SPART: variants seen among roughly 807,000 people sequenced by gnomAD.
The protein encoded by SPART is spartin.
Under a neutral mutation model 58.7 loss-of-function variants are expected in SPART, and 35 were observed. That is an observed-to-expected ratio of 0.60 (90% CI 0.46 to 0.79). SPART has a LOEUF of 0.79. Among genes scored for constraint, SPART ranks in the 30% least tolerant of loss-of-function variants. The pLI is 0.00. For synonymous variants in SPART, 284 were observed against 280.7 expected (o/e 1.01, Z -0.12); for missense variants, 730 against 786.1 (o/e 0.93, Z 0.85).
intron 5 of SPART, among the ~76,000 whole-genome samples, chr13:36,320,808 A>G (rs1016582422): frequency 1.3e-5 from 2 of 152,140 alleles, no homozygotes; most frequent in Non-Finnish European, 1.5e-5. Context: ...TGTCAGACAT[A>G]ATTCCTCAGT....
chr13:36,308,915 G>A (rs1436315184), intron 8 of SPART, among the ~76,000 whole-genome samples: 1 of 152,150 alleles, frequency 6.6e-6, no homozygotes, highest in Non-Finnish European at 1.5e-5. Flanking sequence ...AAGAATTTGA[G>A]ATCTATTGTA....
At chr13:36,327,786 G>C (rs9547284) in intron 4 of SPART, among the ~76,000 whole-genome samples, 1 of 152,012 alleles carries the variant, frequency 6.6e-6, no homozygotes. Context: ...TCAGGAGTTC[G>C]AGATTAGCCT....
At chr13:36,313,985 A>C (rs1023956475) in intron 6 of SPART, 20 of 539,198 alleles carry the variant, frequency 3.7e-5, no homozygotes, top group Non-Finnish European at 6.5e-5. Context: ...TCTTGTGAAA[A>C]TGCAGATTCT....
chr13:36,320,844 T>C (rs1566118306), intron 5 of SPART, among the ~76,000 whole-genome samples: 1 of 152,204 alleles, frequency 6.6e-6, no homozygotes, highest in Admixed American at 6.5e-5. Flanking sequence ...CAATACAGTC[T>C]GACAACAGAC....
At chr13:36,347,731 C>T (rs1885236828), upstream of SPART, among the ~76,000 whole-genome samples, 1 of 152,098 alleles carries the variant, frequency 6.6e-6, no homozygotes, top group East Asian at 1.9e-4. Context: ...TTGGATTGAC[C>T]ATCACAATTT....
chr13:36,329,564 G>C, intron 3 of SPART, 47 bp from the exon 4 acceptor site: 10 of 1,596,416 alleles, frequency 6.3e-6, no homozygotes, highest in Non-Finnish European at 7.7e-6. Flanking sequence ...ATTTTTCTTA[G>C]ATGGCTTTCT....
chr13:36,308,782 A>AT (rs1880774424), intron 8 of SPART, among the ~76,000 whole-genome samples: 1 of 152,180 alleles, frequency 6.6e-6, no homozygotes, highest in South Asian at 2.1e-4. Flanking sequence ...ATAAAGAACT[A>AT]TTTTTCTAAT....
At chr13:36,356,313 C>T (rs1171704687) in intron 1 of SPART, among the ~76,000 whole-genome samples, 2 of 152,214 alleles carry the variant, frequency 1.3e-5, no homozygotes, top group Non-Finnish European at 2.9e-5. Flanking sequence ...AGCCTGGACG[C>T]TCTGCTGGAT....
intron 5 of SPART, among the ~76,000 whole-genome samples, chr13:36,322,736 C>G (rs1168711211): frequency 3.3e-5 from 5 of 152,106 alleles, no homozygotes; most frequent in Admixed American, 3.3e-4. Flanking sequence ...TTATGTTTGA[C>G]GTAGTCCTCT....
chr13:36,327,159 A>C (rs1002548317), intron 4 of SPART, among the ~76,000 whole-genome samples: 6 of 152,218 alleles, frequency 3.9e-5, no homozygotes, highest in African/African-American at 1.4e-4. Context: ...AGGAATATAT[A>C]AACACAGAAT....
rs761357459 is a variant in SPART at position 36,335,317 on chromosome 13, G to A, written c.514C>T (p.Pro172Ser). Reference sequence around the variant, plus strand: ...TCAGCAGCTTGAGGAGTATAAGCAGGAGGAGCTTCTGCTGGACAACTTTGT... The same window carrying A: ...TCAGCAGCTTGAGGAGTATAAGCAGAAGGAGCTTCTGCTGGACAACTTTGT... ...PSQSCPAEAP[P>S]AYTPQAAEGH... Residue 172 changes from proline (P) to serine (S), a missense_variant, in exon 2 of 9, where the codon CCT becomes TCT. Pro to Ser is a moderately conservative substitution (Grantham distance 74, BLOSUM62 -1). Coordinates refer to ENST00000438666, the MANE Select transcript of SPART (RefSeq NM_015087.5). The A allele has an allele frequency of 2.1e-5, 34 of 1,613,872 alleles. No individual in the cohort carries two copies. The highest frequency in any genetic ancestry group is 1.6e-4 in the Middle Eastern group (1 of 6,084).
chr13:36,363,440 C>T (rs901411970), intron 1 of SPART, among the ~76,000 whole-genome samples: 1 of 151,948 alleles, frequency 6.6e-6, no homozygotes, highest in Non-Finnish European at 1.5e-5. Flanking sequence ...AAATGCTGAG[C>T]TGCTGCCTTT....
At chr13:36,355,952 G>A (rs1328845205) in intron 1 of SPART, among the ~76,000 whole-genome samples, 1 of 152,176 alleles carries the variant, frequency 6.6e-6, no homozygotes, top group Admixed American at 6.5e-5. Flanking sequence ...GTGGGAAAAA[G>A]TTATAGAGAA....
intron 1 of SPART, among the ~76,000 whole-genome samples, chr13:36,359,937 A>AAAC (rs1348554483): frequency 2.6e-5 from 4 of 151,174 alleles, no homozygotes; most frequent in Admixed American, 6.6e-5. Flanking sequence ...AAAAAAAAAA[A>AAAC]AAAAACACCT....
rs1335173103 is a variant in SPART at position 36,312,470 on chromosome 13, T to A, written c.1491A>T (p.Gly497=). The A allele has an allele frequency of 6.2e-7, 1 of 1,614,006 alleles. No individual in the cohort carries two copies. The highest frequency in any genetic ancestry group is 1.7e-5 in the Admixed American group (1 of 59,996). ...CAACGCAATTTGCTACAGTGCAAAC[T>A]CCATCAACTAATATGACCATAAAAA... The part of the protein sequence containing the change: ...AAKVSQFLVD[G]VCTVANCVGK... Residue 497 remains glycine, a synonymous_variant, in exon 7 of 9, where the codon GGA becomes GGT. Coordinates refer to ENST00000438666, the MANE Select transcript of SPART (RefSeq NM_015087.5).
intron 5 of SPART, among the ~76,000 whole-genome samples, chr13:36,322,141 T>C (rs1882475146): frequency 6.6e-6 from 1 of 152,160 alleles, no homozygotes; most frequent in South Asian, 2.1e-4. Context: ...TAAACAGCCA[T>C]GTTGCTCACA....
At chr13:36,361,068 A>T (rs1885838934) in intron 1 of SPART, among the ~76,000 whole-genome samples, 1 of 152,212 alleles carries the variant, frequency 6.6e-6, no homozygotes. Context: ...GATATTGCAC[A>T]TTAACCTCAT....
At chr13:36,359,468 G>A (rs924069895) in intron 1 of SPART, among the ~76,000 whole-genome samples, 2 of 152,144 alleles carry the variant, frequency 1.3e-5, no homozygotes, top group Admixed American at 1.3e-4. Flanking sequence ...CAGGTTAGCT[G>A]TAAATATAGA....
At chr13:36,316,878 C>T (rs926914094) in intron 5 of SPART, among the ~76,000 whole-genome samples, 11 of 152,158 alleles carry the variant, frequency 7.2e-5, no homozygotes, top group South Asian at 2.1e-4. Context: ...GTCCTAAGAC[C>T]GACCAGCCCA....
Sources: allele counts gnomAD v4.1 joint callset (sites outside exome capture counted in the v4.1 genomes callset), GRCh38; gene constraint gnomAD v4.1.1; transcripts MANE v1.5; gene names NCBI Gene and HGNC (gene_info 2026-07-23, HGNC 2026-07-21).